MOB3A: variants seen among roughly 807,000 people sequenced by gnomAD.
The protein encoded by MOB3A is MOB LAK.
A neutral mutation model predicts 17.8 loss-of-function variants in MOB3A; 17 were observed. That is an observed-to-expected ratio of 0.95 (90% CI 0.65 to 1.43). The LOEUF (loss-of-function observed/expected upper bound fraction) is 1.43, where lower values mean the gene tolerates loss of function less well. MOB3A is among the 40% of genes most tolerant of loss of function. MOB3A has a pLI of 0.00. For synonymous variants in MOB3A, 124 were observed against 133.2 expected (o/e 0.93, Z 0.48); for missense variants, 333 against 310.8 (o/e 1.07, Z -0.54).
At position 2,082,034 on chromosome 19, in the gene MOB3A, G is replaced by C. The variant is rs2017496692; in HGVS notation, c.-120+3141C>G. On this transcript the variant is annotated intron_variant, in intron 2 of 4. Coordinates refer to ENST00000357066, the MANE Select transcript of MOB3A (RefSeq NM_130807.3). This position sits in a 1 kb window ranked among gnomAD's most constrained non-coding sequence, Gnocchi z 4.1. ...CACTGCTCAGGGCAGCCTGGGCACA[G>C]GTGGCAGGAGGACTTGAGTCCCACC... Among the ~76,000 whole-genome samples the C allele has an allele frequency of 6.6e-6, 1 of 152,198 alleles. No homozygotes were observed. Among genetic ancestry groups the C allele is most frequent in the Non-Finnish European group, 1.5e-5 (1 of 68,034 alleles).
At position 2,078,218 on chromosome 19, in the gene MOB3A, C is replaced by T. The variant is rs768162656; in HGVS notation, c.343G>A (p.Ala115Thr). ...HKFRKPTALSAPRYMDLLMDW... is the reference protein window; with the variant it reads ...HKFRKPTALSTPRYMDLLMDW... ...ATCAGCAGGTCCATGTACCTGGGCG[C>T]GGAGAGTGCCGTGGGCTTCCGGAAC... Residue 115 changes from alanine to threonine, a missense_variant, in exon 3 of 5, where the codon GCG becomes ACG. Ala to Thr is a moderately conservative substitution (Grantham distance 58). Transcript: ENST00000357066. 25 of 1,613,418 alleles carry T rather than the reference C, an allele frequency of 1.5e-5. No individual in the cohort carries two copies. The highest frequency in any genetic ancestry group is 3.3e-4 in the Middle Eastern group (2 of 6,060).
In MOB3A at chr19:2,078,201, G is replaced by A. The variant is rs2017437567; in HGVS notation, c.360C>T (p.Asp120=). 1 of 1,609,908 alleles carries A rather than the reference G, an allele frequency of 6.2e-7. No homozygotes were observed. Among genetic ancestry groups the A allele is most frequent in the Non-Finnish European group, 8.5e-7 (1 of 1,176,774 alleles). ...GCGCCTCGATCCAGTCCATCAGCAG[G>A]TCCATGTACCTGGGCGCGGAGAGTG... The part of the protein sequence containing the change: ...PTALSAPRYM[D]LLMDWIEAQI... The change falls in exon 3 of 5, where the codon GAC becomes GAT. Residue 120 remains aspartate, a synonymous_variant. Transcript: ENST00000357066.
At position 2,096,280 on chromosome 19, in the gene MOB3A, GGCCGCCTCAGCCGCCGCACCGCCTCGCA is replaced by G. The variant is rs1249892478; in HGVS notation, c.-356_-329del. 6.4e-6 allele frequency: 1 copy of G among 157,216 alleles called. No individual in the cohort carries two copies. The highest frequency in any genetic ancestry group is 1.4e-5 in the Non-Finnish European group (1 of 70,990). 9.7% of individuals were successfully genotyped at this position (157,216 alleles called of 1,614,324 possible). A position where few individuals can be genotyped will look rare whatever the true frequency, so the allele number is the denominator to read the frequency against. ...CTCCCGGTACCCAACTGGCCGCCTC[GGCCGCCTCAGCCGCCGCACCGCCTCGCA>G]GCCGCCGCGGAGGGACACGGCCGCG... On this transcript the variant is annotated 5_prime_UTR_variant, in exon 1 of 5. Coordinates refer to ENST00000357066, the MANE Select transcript of MOB3A (RefSeq NM_130807.3).
intron 4 of MOB3A, among the ~76,000 whole-genome samples, chr19:2,074,780 C>T (rs955904768): frequency 7.9e-5 from 12 of 151,104 alleles, no homozygotes; most frequent in South Asian, 4.2e-4. Flanking sequence ...TGCAATGGCG[C>T]GATCTCAGCT....
intron 1 of MOB3A, 48 bp downstream of exon 1, chr19:2,096,178 C>T (rs2144948316): frequency 6.5e-6 from 1 of 154,052 alleles, no homozygotes; most frequent in East Asian, 1.9e-4. Context: ...TCCCGGGCAC[C>T]CACCTGGCCG....
In MOB3A at chr19:2,078,451, G is replaced by A. The variant is rs763656568; in HGVS notation, c.110C>T (p.Ala37Val). ...CAGGTCCAGCCCGGCGTTCAGCGACGCCTGCGCCTTCTTGTGCAGCTCGAA... is the reference window on the plus strand; with the variant it reads ...CAGGTCCAGCCCGGCGTTCAGCGACACCTGCGCCTTCTTGTGCAGCTCGAA... The part of the protein sequence containing the change: ...QRFELHKKAQ[A>V]SLNAGLDLRL... Residue 37 changes from alanine (A) to valine (V), a missense_variant, in exon 3 of 5, where the codon GCG (alanine) becomes GTG (valine). Coordinates refer to ENST00000357066, the MANE Select transcript of MOB3A (RefSeq NM_130807.3). 2.0e-5 allele frequency: 33 copies of A among 1,613,270 alleles called. No homozygotes were observed. The East Asian group carries it at 4.7e-4, about 23-fold the overall frequency.
At chr19:2,095,879 G>A (rs1227173172) in intron 1 of MOB3A, among the ~76,000 whole-genome samples, 2 of 151,980 alleles carry the variant, frequency 1.3e-5, no homozygotes, top group African/African-American at 4.8e-5. Context: ...TCAGCAGCTG[G>A]GATTACAGGT....
chr19:2,084,835 C>T (rs907265171), intron 2 of MOB3A, among the ~76,000 whole-genome samples: 2 of 152,010 alleles, frequency 1.3e-5, no homozygotes, highest in East Asian at 1.9e-4. Flanking sequence ...GTGATCTGCC[C>T]GCTTTGCCCT....
chr19:2,083,482 C>T (rs1170413126), intron 2 of MOB3A, among the ~76,000 whole-genome samples: 1 of 152,218 alleles, frequency 6.6e-6, no homozygotes, highest in Non-Finnish European at 1.5e-5. Context: ...GGCCATGGTC[C>T]GCCTGGCACT....
chr19:2,073,189 G>A lies in MOB3A; in HGVS notation c.*206C>T, dbSNP rs2017360362. The A allele has an allele frequency of 3.1e-6, 2 of 649,810 alleles. No homozygotes were observed. The highest frequency in any genetic ancestry group is 5.1e-5 in the Admixed American group (2 of 39,206). 40.3% of individuals were successfully genotyped at this position (649,810 alleles called of 1,614,324 possible). ...TTACAGAGTTCACGTTTTAGTCCCAGACGGGAGACTGAGGCTCGAGACTGA... is the reference window on the plus strand; with the variant it reads ...TTACAGAGTTCACGTTTTAGTCCCAAACGGGAGACTGAGGCTCGAGACTGA... On this transcript the variant is annotated 3_prime_UTR_variant, in exon 5 of 5. Coordinates refer to ENST00000357066, the MANE Select transcript of MOB3A (RefSeq NM_130807.3).
intron 4 of MOB3A, among the ~76,000 whole-genome samples, 153 bp from the exon 5 acceptor site, chr19:2,073,577 C>G (rs758095853): frequency 7.2e-5 from 11 of 152,098 alleles, no homozygotes; most frequent in Non-Finnish European, 1.5e-4. Context: ...CAATGGCACA[C>G]CTGAGACCAG....
At chr19:2,073,479 T>G (rs2286365) in intron 4 of MOB3A, 55 bp from the exon 5 acceptor site, 49 of 1,610,366 alleles carry the variant, frequency 3.0e-5, no homozygotes, top group Non-Finnish European at 4.2e-5. Flanking sequence ...AAAGGGGTGA[T>G]GCGAACAGCA....
At chr19:2,084,950 C>T (rs2017534672) in intron 2 of MOB3A, among the ~76,000 whole-genome samples, 1 of 151,858 alleles carries the variant, frequency 6.6e-6, no homozygotes, top group Admixed American at 6.6e-5. Flanking sequence ...TCTCCAATTC[C>T]TGGCCTCACG....
chr19:2,085,020 G>A (rs571519008), intron 2 of MOB3A, among the ~76,000 whole-genome samples, 155 bp downstream of exon 2: 3 of 152,208 alleles, frequency 2.0e-5, no homozygotes, highest in South Asian at 4.1e-4. Context: ...CACCATGTCC[G>A]GCCCGAGCAA....
At chr19:2,081,189 C>T (rs915357493) in intron 2 of MOB3A, among the ~76,000 whole-genome samples, 1 of 152,040 alleles carries the variant, frequency 6.6e-6, no homozygotes, top group African/African-American at 2.4e-5. Context: ...GGTTAGGGTA[C>T]CCCCCAACAG....
intron 2 of MOB3A, 99 bp from the exon 3 acceptor site, chr19:2,078,778 AGACAGGG>A (rs2017451011): frequency 1.3e-5 from 7 of 547,518 alleles, no homozygotes; most frequent in Admixed American, 3.5e-5. Context: ...TTGTTTTTTG[AGACAGGG>A]TCTTACTCTG....
At chr19:2,086,995 T>C (rs753630668) in intron 1 of MOB3A, among the ~76,000 whole-genome samples, 31 of 152,072 alleles carry the variant, frequency 2.0e-4, no homozygotes, top group Admixed American at 6.6e-5. Flanking sequence ...CTTGCTATGT[T>C]GTCCAGGCTG....
chr19:2,077,081 G>A, intron 3 of MOB3A, 68 bp from the exon 4 acceptor site: 1 of 1,407,990 alleles, frequency 7.1e-7, no homozygotes, highest in Non-Finnish European at 9.8e-7. Flanking sequence ...CTTTGCTCCT[G>A]GATGTGACAA....
At chr19:2,073,739 CTG>C (rs1198154738) in intron 4 of MOB3A, among the ~76,000 whole-genome samples, 2 of 152,196 alleles carry the variant, frequency 1.3e-5, no homozygotes, top group East Asian at 1.9e-4. Flanking sequence ...GCCAATAAAA[CTG>C]TATTTACAGC....
Sources: allele counts gnomAD v4.1 joint callset (sites outside exome capture counted in the v4.1 genomes callset), GRCh38; gene constraint gnomAD v4.1.1; non-coding constraint Gnocchi (gnomAD v3.1); transcripts MANE v1.5; gene names NCBI Gene and HGNC (gene_info 2026-07-23, HGNC 2026-07-21).